Variants in GAS6 observed in about 807,000 individuals in gnomAD.
GAS6 encodes the protein growth arrest specific 6.
Under a neutral mutation model 75.8 loss-of-function variants are expected in GAS6, and 41 were observed. The observed-to-expected ratio is 0.54, with a 90% confidence interval of 0.42 to 0.70. GAS6 has a LOEUF of 0.70. Ranked by LOEUF, GAS6 falls within the 30% of genes least tolerant of loss-of-function variation. The pLI is 0.00. For synonymous variants in GAS6, 432 were observed against 412.6 expected (o/e 1.05, Z -0.57); for missense variants, 854 against 940.2 (o/e 0.91, Z 1.20).
intron 12 of GAS6, among the ~76,000 whole-genome samples, chr13:113,825,895 C>T (rs997487379): frequency 3.3e-5 from 5 of 152,256 alleles, no homozygotes; most frequent in Non-Finnish European, 5.9e-5. Context: ...TCCCCTTGAA[C>T]CTGGGGTTCC....
intron 2 of GAS6, among the ~76,000 whole-genome samples, chr13:113,854,968 C>G (rs1327241360): frequency 6.6e-6 from 1 of 152,232 alleles, no homozygotes; most frequent in Admixed American, 6.5e-5. Flanking sequence ...CCACCCCAGC[C>G]CCGGTGGCAT....
At chr13:113,850,587 G>A (rs1408201499) in intron 2 of GAS6, among the ~76,000 whole-genome samples, 1 of 152,198 alleles carries the variant, frequency 6.6e-6, no homozygotes, top group Non-Finnish European at 1.5e-5. Flanking sequence ...TGCACTGTTA[G>A]CTGAAGCTTC....
rs1014038021 is a variant in GAS6, at chr13:113,822,550, C to T, written c.1654-364G>A. 13 of 203,612 alleles carry T rather than the reference C, an allele frequency of 6.4e-5. 1 individual carries two copies. In the South Asian group the frequency reaches 1.2e-3, roughly 19 times the overall value. 12.6% of individuals were successfully genotyped at this position (203,612 alleles called of 1,614,324 possible). On this transcript the variant is annotated intron_variant, in intron 13 of 14. Transcript: ENST00000327773. ...GATGGGGACCCAGGACCCAGCCCTG[C>T]GGTGGCGGCCTCCCAGCCCGGTGGG...
chr13:113,838,336 A>T (rs2051738850), intron 5 of GAS6, 145 bp from the exon 6 acceptor site: 2 of 922,934 alleles, frequency 2.2e-6, no homozygotes, highest in South Asian at 3.0e-5. Flanking sequence ...GCAGAGAGAG[A>T]TCCCAAAGGT....
At position 113,863,974 on chromosome 13, in the gene GAS6, G is replaced by T; in HGVS notation, c.-54C>A. On this transcript the variant is annotated 5_prime_UTR_variant, in exon 1 of 15. Coordinates refer to ENST00000327773, the MANE Select transcript of GAS6 (RefSeq NM_000820.4). This position sits in a 1 kb window ranked among gnomAD's most constrained non-coding sequence, Gnocchi z 9.4. Reference sequence around the variant, plus strand: ...CCCGGGAGGCCGAGGCGAGCCGCGGGCGCCGCGGGGCGGAGGCTCCGGTCA... The same window carrying T: ...CCCGGGAGGCCGAGGCGAGCCGCGGTCGCCGCGGGGCGGAGGCTCCGGTCA... The T allele has an allele frequency of 1.1e-5, 11 of 1,026,806 alleles. No homozygotes were observed. Among genetic ancestry groups the T allele is most frequent in the Non-Finnish European group, 1.3e-5 (11 of 858,966 alleles). 63.6% of individuals were successfully genotyped at this position (1,026,806 alleles called of 1,614,324 possible).
intron 11 of GAS6, among the ~76,000 whole-genome samples, chr13:113,828,253 G>A (rs545682191): frequency 6.6e-6 from 1 of 151,106 alleles, no homozygotes; most frequent in African/African-American, 2.5e-5. Flanking sequence ...AACAGAGCAA[G>A]ACTCCGTCTC....
Position 113,848,145 on chromosome 13 carries a change from C to T in GAS6, c.256-95G>A, listed in dbSNP as rs1184867383. 1 of 1,392,050 alleles carries T rather than the reference C, an allele frequency of 7.2e-7. No individual in the cohort carries two copies. 86.2% of individuals were successfully genotyped at this position (1,392,050 alleles called of 1,614,324 possible). On this transcript the variant is annotated intron_variant, in intron 2 of 14. Coordinates refer to ENST00000327773, the MANE Select transcript of GAS6 (RefSeq NM_000820.4). This position sits in a 1 kb window ranked among gnomAD's most constrained non-coding sequence, Gnocchi z 4.8. ...ATCAGCTGGTTAATCAGAGGCTGCT[C>T]TCGGGGCAGCCAGAGGGCCGCCCCA... is the stretch of plus-strand genomic sequence containing the variant.
At chr13:113,830,781 C>T (rs1053298294) in intron 10 of GAS6, among the ~76,000 whole-genome samples, 1 of 143,026 alleles carries the variant, frequency 7.0e-6, no homozygotes, top group Admixed American at 6.9e-5. Context: ...CCGGGCCCCT[C>T]CTCCCCATGG....
chr13:113,831,160 C>T (rs912576684), intron 10 of GAS6, among the ~76,000 whole-genome samples: 2 of 152,256 alleles, frequency 1.3e-5, no homozygotes, highest in African/African-American at 2.4e-5. Context: ...GTGGGGTGGG[C>T]ACGTTTTACC....
rs919530301 is a variant in GAS6, at chr13:113,832,973, G to A, written c.835-221C>T. The A allele has an allele frequency of 2.8e-4, 400 of 1,426,656 alleles. 1 individual carries two copies. Among genetic ancestry groups the A allele is most frequent in the Admixed American group, 5.1e-4 (19 of 37,044 alleles). 88.4% of individuals were successfully genotyped at this position (1,426,656 alleles called of 1,614,324 possible). ...GCAGCCGCTTCCCACAGGGCTTCTC[G>A]GGGGTCCCCGTCATCTCCTTCCCTG... is the stretch of plus-strand genomic sequence containing the variant. On this transcript the variant is annotated intron_variant, in intron 8 of 14. Coordinates refer to ENST00000327773, the MANE Select transcript of GAS6 (RefSeq NM_000820.4).
At chr13:113,822,209 C>A in intron 13 of GAS6, 23 bp from the exon 14 acceptor site, 1 of 1,496,050 alleles carries the variant, frequency 6.7e-7, no homozygotes, top group South Asian at 1.3e-5. Context: ...GAGGTGTGGT[C>A]AGGGCCTGCC....
chr13:113,853,128 G>A (rs536619183), intron 2 of GAS6, among the ~76,000 whole-genome samples: 33 of 152,320 alleles, frequency 2.2e-4, no homozygotes, highest in African/African-American at 7.2e-4. Context: ...ACCTCCATGC[G>A]GTGATGGCAC....
Position 113,820,830 on chromosome 13 carries a change from A to G in GAS6, c.*34T>C. 2 of 1,598,276 alleles carry G rather than the reference A, an allele frequency of 1.3e-6. No individual in the cohort carries two copies. Among genetic ancestry groups the G allele is most frequent in the Non-Finnish European group, 1.7e-6 (2 of 1,175,056 alleles). On this transcript the variant is annotated 3_prime_UTR_variant, in exon 15 of 15. Coordinates refer to ENST00000327773, the MANE Select transcript of GAS6 (RefSeq NM_000820.4). The stretch of plus-strand genomic sequence containing the variant: ...CAGGCTCCTCCCGGCTGTCTCGGAC[A>G]GAGACTGAGAAGCCTGCCGCGTCCC...
At position 113,844,108 on chromosome 13, in the gene GAS6, C is replaced by G. The variant is rs1037640582; in HGVS notation, c.343+2419G>C. 6.6e-6 allele frequency: 1 copy of G among 150,870 alleles called. No homozygotes were observed. The highest frequency in any genetic ancestry group is 2.5e-5 in the African/African-American group (1 of 40,214). 9.3% of individuals were successfully genotyped at this position (150,870 alleles called of 1,614,324 possible). On this transcript the variant is annotated intron_variant, in intron 4 of 14. Coordinates refer to ENST00000327773, the MANE Select transcript of GAS6 (RefSeq NM_000820.4). This position sits in a 1 kb window ranked among gnomAD's most constrained non-coding sequence, Gnocchi z 5.7. ...CCCCAGGCCACAGGCAGGGCAGCCT[C>G]TGAGGGCCGGCTCAGGGAGAGTGGC... is the stretch of plus-strand genomic sequence containing the variant.
chr13:113,860,499 CA>C (rs1667147343), intron 2 of GAS6, among the ~76,000 whole-genome samples: 1 of 152,178 alleles, frequency 6.6e-6, no homozygotes, highest in South Asian at 2.1e-4. Context: ...GAGACCTCAG[CA>C]GGCCCTGGAA....
chr13:113,825,470 G>A (rs2051524728), intron 12 of GAS6, among the ~76,000 whole-genome samples: 1 of 152,260 alleles, frequency 6.6e-6, no homozygotes, highest in South Asian at 2.1e-4. Flanking sequence ...CCTCTGTCTT[G>A]TAAGAGACGT....
intron 4 of GAS6, chr13:113,842,178 GCCTC>G: frequency 1.0e-4 from 17 of 162,782 alleles, no homozygotes; most frequent in African/African-American, 4.0e-4. Flanking sequence ...TCCTCCGTCT[GCCTC>G]ACAGTTTCCT....
chr13:113,820,811 C>T lies in GAS6; in HGVS notation c.*53G>A. On this transcript the variant is annotated 3_prime_UTR_variant, in exon 15 of 15. Transcript: ENST00000327773. ...CCACGTGGTGAGGAGCCCCCAGGCT[C>T]CTCCCGGCTGTCTCGGACAGAGACT... 4 of 1,576,630 alleles carry T rather than the reference C, an allele frequency of 2.5e-6. No individual in the cohort carries two copies. The highest frequency in any genetic ancestry group is 3.4e-6 in the Non-Finnish European group (4 of 1,163,670).
intron 2 of GAS6, among the ~76,000 whole-genome samples, chr13:113,852,700 T>C (rs1211793195): frequency 6.6e-6 from 1 of 151,884 alleles, no homozygotes; most frequent in African/African-American, 2.4e-5. Context: ...GACCCAGGTC[T>C]CCCCCGCTCA....
Sources: allele counts gnomAD v4.1 joint callset (sites outside exome capture counted in the v4.1 genomes callset), GRCh38; gene constraint gnomAD v4.1.1; non-coding constraint Gnocchi (gnomAD v3.1); transcripts MANE v1.5; gene names NCBI Gene and HGNC (gene_info 2026-07-23, HGNC 2026-07-21).